Variants in KCNIP1 observed in about 807,000 individuals in gnomAD.
KCNIP1 encodes the protein potassium voltage-gated channel interacting protein 1, also known as A-type potassium channel modulatory protein KCNIP1.
Under a neutral mutation model 33.0 loss-of-function variants are expected in KCNIP1, and 18 were observed. The ratio of observed to expected loss-of-function variants is 0.55; its 90% confidence interval spans 0.38 to 0.81. The LOEUF is 0.81. Ranked by LOEUF, KCNIP1 falls within the 30% of genes least tolerant of loss-of-function variation. The pLI is 0.00. For missense variants in KCNIP1, 238 were observed against 271.6 expected, an observed-to-expected ratio of 0.88 and a Z score of 0.87; for synonymous variants, 93 against 98.3, an observed-to-expected ratio of 0.95 and a Z score of 0.32.
At chr5:170,706,971 TG>T (rs1763275258) in intron 1 of KCNIP1, among the ~76,000 whole-genome samples, 1 of 152,152 alleles carries the variant, frequency 6.6e-6, no homozygotes, top group African/African-American at 2.4e-5. Context: ...CTCCATGTAC[TG>T]GAACTTCAGG....
Position 170,504,464 on chromosome 5 carries a change from G to A in KCNIP1, c.-109G>A, listed in dbSNP as rs1017344461. ...ATACCAAGCTGCAGGCGAGCTGCCG[G>A]GCGCTTTTCTCTCCTCCAATTCAGA... is the stretch of plus-strand genomic sequence containing the variant. On this transcript the variant is annotated 5_prime_UTR_variant, in exon 1 of 8. Coordinates refer to ENST00000328939, the MANE Select transcript of KCNIP1 (RefSeq NM_014592.4). This position sits in a 1 kb window ranked among gnomAD's most constrained non-coding sequence, Gnocchi z 6.0. 15 of 1,563,738 alleles carry A rather than the reference G, an allele frequency of 9.6e-6. No homozygotes were observed. The highest frequency in any genetic ancestry group is 6.8e-5 in the African/African-American group (5 of 73,066).
intron 1 of KCNIP1, among the ~76,000 whole-genome samples, chr5:170,559,218 T>C (rs1290454588): frequency 6.6e-6 from 1 of 152,246 alleles, no homozygotes; most frequent in Non-Finnish European, 1.5e-5. Context: ...GAGGTAAAGA[T>C]AAATGCATTT....
intron 1 of KCNIP1, among the ~76,000 whole-genome samples, chr5:170,405,620 A>T (rs1755016364): frequency 6.6e-6 from 1 of 152,236 alleles, no homozygotes; most frequent in African/African-American, 2.4e-5. Context: ...AATGAAGCAC[A>T]ACTGGGCAGA....
intron 1 of KCNIP1, among the ~76,000 whole-genome samples, chr5:170,355,943 A>G (rs1255664401): frequency 1.3e-5 from 2 of 152,240 alleles, no homozygotes; most frequent in East Asian, 1.9e-4. Flanking sequence ...TCAGCTCCGC[A>G]GAGAGGACCA....
rs7724458 is a variant in KCNIP1 at position 170,529,683 on chromosome 5, C to T, written c.61+25050C>T. Among the ~76,000 whole-genome samples the T allele has an allele frequency of 7.6e-3, 1,161 of 152,334 alleles. 19 individuals are homozygous for T. The highest frequency in any genetic ancestry group is 0.027 in the African/African-American group (1,107 of 41,572). Reference sequence around the variant, plus strand: ...GTGCTCATTGTACATGGACCTTCTTCTGAACCTCTGAGATTGGTTCTGTTA... The same window carrying T: ...GTGCTCATTGTACATGGACCTTCTTTTGAACCTCTGAGATTGGTTCTGTTA... On this transcript the variant is annotated intron_variant, in intron 1 of 7. Transcript: ENST00000328939.
chr5:170,493,664 A>T (rs1464489833), intron 1 of KCNIP1, among the ~76,000 whole-genome samples: 1 of 152,192 alleles, frequency 6.6e-6, no homozygotes, highest in Non-Finnish European at 1.5e-5. Flanking sequence ...GTTAAGGAAG[A>T]GGACACTGAA....
chr5:170,390,538 A>ATATATATATATATTTTTT (rs1554088948), intron 1 of KCNIP1, among the ~76,000 whole-genome samples: 4 of 131,222 alleles, frequency 3.0e-5, no homozygotes, highest in African/African-American at 1.2e-4. Flanking sequence ...ATATATATAT[A>ATATATATATATATTTTTT]TTTTCAACAA....
At chr5:170,454,926 G>A (rs1299314809) in intron 1 of KCNIP1, among the ~76,000 whole-genome samples, 3 of 152,090 alleles carry the variant, frequency 2.0e-5, no homozygotes, top group Non-Finnish European at 4.4e-5. Flanking sequence ...CTATTTCAAT[G>A]TTAGACAAAA....
At chr5:170,451,744 T>TGTGC (rs1251258703) in intron 1 of KCNIP1, among the ~76,000 whole-genome samples, 1 of 150,740 alleles carries the variant, frequency 6.6e-6, no homozygotes, top group Non-Finnish European at 1.5e-5. Flanking sequence ...TGTGTGTGTG[T>TGTGC]GTGTGTGTGT....
At chr5:170,666,099 G>A (rs1761691695) in intron 1 of KCNIP1, among the ~76,000 whole-genome samples, 1 of 152,206 alleles carries the variant, frequency 6.6e-6, no homozygotes, top group South Asian at 2.1e-4. Flanking sequence ...GGAAGTTAGA[G>A]ATCCTCCTTG....
chr5:170,710,173 T>G (rs1763397157), intron 1 of KCNIP1, among the ~76,000 whole-genome samples: 1 of 152,190 alleles, frequency 6.6e-6, no homozygotes, highest in African/African-American at 2.4e-5. Context: ...GGACTGTGAT[T>G]TCATTCTTTT....
chr5:170,538,468 C>T (rs760619469), intron 1 of KCNIP1, among the ~76,000 whole-genome samples: 10 of 152,104 alleles, frequency 6.6e-5, no homozygotes, highest in Non-Finnish European at 1.0e-4. Flanking sequence ...TCCTGTTCTT[C>T]TCATCACACC....
intron 7 of KCNIP1, among the ~76,000 whole-genome samples, chr5:170,735,408 G>C (rs1293438344): frequency 1.3e-5 from 2 of 152,146 alleles, no homozygotes; most frequent in Non-Finnish European, 2.9e-5. Flanking sequence ...GGAATGCAAG[G>C]TTGGTTTAAC....
intron 1 of KCNIP1, among the ~76,000 whole-genome samples, chr5:170,543,559 G>A (rs1002721652): frequency 1.3e-5 from 2 of 152,202 alleles, no homozygotes; most frequent in Non-Finnish European, 2.9e-5. Context: ...TCTTAGCACA[G>A]TCTAACAGTT....
At position 170,731,709 on chromosome 5, in the gene KCNIP1, GAAAAAAGA is replaced by G. The variant is rs377475918; in HGVS notation, c.436-1081_436-1074del. Among the ~76,000 whole-genome samples, 526 of 126,788 alleles carry G rather than the reference GAAAAAAGA, an allele frequency of 4.1e-3. 15 individuals are homozygous for G. Among genetic ancestry groups the G allele is most frequent in the Middle Eastern group, 8.4e-3 (2 of 238 alleles). 83.2% of individuals were successfully genotyped at this position (126,788 alleles called of 152,430 possible). On this transcript the variant is annotated intron_variant, in intron 5 of 7. Transcript: ENST00000328939. ...AACCTGTCTCAAAAAAAAAAAAAAAGAAAAAAGAAAAAAAGAATGAGAAACTCATACAG... is the reference window on the plus strand; with the variant it reads ...AACCTGTCTCAAAAAAAAAAAAAAAGAAAAAAGAATGAGAAACTCATACAG...
intron 1 of KCNIP1, among the ~76,000 whole-genome samples, chr5:170,562,003 G>A (rs1224657358): frequency 6.6e-6 from 1 of 152,182 alleles, no homozygotes; most frequent in Non-Finnish European, 1.5e-5. Flanking sequence ...ATACAATGAG[G>A]TTATGTCTCA....
At chr5:170,647,104 C>G (rs1053477084) in intron 1 of KCNIP1, among the ~76,000 whole-genome samples, 1 of 151,966 alleles carries the variant, frequency 6.6e-6, no homozygotes, top group Non-Finnish European at 1.5e-5. Context: ...TGAAAGAAAT[C>G]GAAGAAGAGC....
chr5:170,696,311 G>A (rs1168562487), intron 1 of KCNIP1, among the ~76,000 whole-genome samples: 2 of 152,066 alleles, frequency 1.3e-5, no homozygotes, highest in Non-Finnish European at 2.9e-5. Context: ...GACTTATTTG[G>A]GACCATGTTG....
rs138392513 is a variant in KCNIP1 at position 170,401,239 on chromosome 5, G to A, written c.88+47275G>A. ...GGCATTTACAAAGACACACTGCAGA[G>A]AGAGGCTTTTTAATCCCCTTTTGTT... On this transcript the variant is annotated intron_variant, in intron 1 of 7. Coordinates refer to the KCNIP1 transcript ENST00000377360. Among the ~76,000 whole-genome samples the A allele has an allele frequency of 5.4e-4, 82 of 152,350 alleles. No homozygotes were observed. The East Asian group carries it at 0.014, about 26-fold the overall frequency.
Sources: allele counts gnomAD v4.1 joint callset (sites outside exome capture counted in the v4.1 genomes callset), GRCh38; gene constraint gnomAD v4.1.1; non-coding constraint Gnocchi (gnomAD v3.1); transcripts MANE v1.5; gene names NCBI Gene and HGNC (gene_info 2026-07-23, HGNC 2026-07-21).